PPP2R5E: variants seen among roughly 807,000 people sequenced by gnomAD.
PPP2R5E encodes serine/threonine-protein phosphatase 2A 56 kDa regulatory subunit epsilon isoform.
A neutral mutation model predicts 65.3 loss-of-function variants in PPP2R5E; 4 were observed. The ratio of observed to expected loss-of-function variants is 0.06; its 90% confidence interval spans 0.03 to 0.14. The LOEUF is 0.14. Ranked by LOEUF, PPP2R5E falls within the 10% of genes least tolerant of loss-of-function variation. The pLI, the probability that PPP2R5E is intolerant of heterozygous loss-of-function variation, is 1.00. For synonymous variants in PPP2R5E, 183 were observed against 187.4 expected (o/e 0.98, Z 0.19); for missense variants, 274 against 556.1 (o/e 0.49, Z 5.10).
rs560791219 is a variant in PPP2R5E, at chr14:63,469,567, G to A, written c.158-15682C>T. 4.6e-5 allele frequency among the ~76,000 whole-genome samples: 7 copies of A among 152,276 alleles called. No individual in the cohort carries two copies. In the East Asian group the frequency reaches 5.8e-4, roughly 13 times the overall value. ...AAAGTAGCCAGGCGTGGTGGCGAGC[G>A]CCTGTAGTCCCAGCTACTCAGGAGG... is the stretch of plus-strand genomic sequence containing the variant. On this transcript the variant is annotated intron_variant, in intron 2 of 13. Transcript: ENST00000337537.
rs534303804 is a variant in PPP2R5E at position 63,505,192 on chromosome 14, G to A, written c.157+34337C>T. Among the ~76,000 whole-genome samples, 18 of 152,080 alleles carry A rather than the reference G, an allele frequency of 1.2e-4. No individual in the cohort carries two copies. In the South Asian group the frequency reaches 1.7e-3, roughly 14 times the overall value. ...TCTACTAAAAATACAAAAATTAGCC[G>A]GACATGTTTGCTTGAACCCCAGCAG... On this transcript the variant is annotated intron_variant, in intron 2 of 13. Coordinates refer to ENST00000337537, the MANE Select transcript of PPP2R5E (RefSeq NM_006246.5).
At chr14:63,531,768 A>G (rs1217811110) in intron 2 of PPP2R5E, among the ~76,000 whole-genome samples, 1 of 152,122 alleles carries the variant, frequency 6.6e-6, no homozygotes, top group Non-Finnish European at 1.5e-5. Flanking sequence ...AGCCTGACCA[A>G]CATGGTGAAA....
At position 63,389,741 on chromosome 14, in the gene PPP2R5E, C is replaced by T; in HGVS notation, c.955-10G>A. On this transcript the variant is annotated splice_polypyrimidine_tract_variant and intron_variant, in intron 10 of 13. Transcript: ENST00000337537. Reference sequence around the variant, plus strand: ...CCCCAAGGAACATGACCTGTAAGTACAAGCAAAATACAAGATGTGAGGCAC... The same window carrying T: ...CCCCAAGGAACATGACCTGTAAGTATAAGCAAAATACAAGATGTGAGGCAC... 2.5e-6 allele frequency: 4 copies of T among 1,581,506 alleles called. No homozygotes were observed. Among genetic ancestry groups the T allele is most frequent in the Middle Eastern group, 1.7e-4 (1 of 5,948 alleles).
chr14:63,392,425 TG>T (rs1566669515), intron 8 of PPP2R5E, among the ~76,000 whole-genome samples: 1 of 152,206 alleles, frequency 6.6e-6, no homozygotes, highest in Non-Finnish European at 1.5e-5. Flanking sequence ...GAGTCCTCTA[TG>T]GGAAGTAAGC....
At chr14:63,386,133 C>T (rs947160473) in intron 11 of PPP2R5E, among the ~76,000 whole-genome samples, 3 of 152,068 alleles carry the variant, frequency 2.0e-5, no homozygotes, top group Admixed American at 6.5e-5. Flanking sequence ...ATGTATCTAC[C>T]GAAAGACACT....
intron 2 of PPP2R5E, among the ~76,000 whole-genome samples, chr14:63,490,777 T>C (rs932610246): frequency 1.3e-5 from 2 of 152,084 alleles, no homozygotes; most frequent in African/African-American, 4.8e-5. Context: ...GCTCATACAC[T>C]GATGATGGGA....
intron 2 of PPP2R5E, among the ~76,000 whole-genome samples, chr14:63,468,692 TAAATAAAC>T (rs1889962447): frequency 1.3e-5 from 1 of 77,830 alleles, no homozygotes; most frequent in African/African-American, 1.1e-4. Flanking sequence ...GCAAAGGAAA[TAAATAAAC>T]AAGCAATGTT....
At chr14:63,523,184 G>A (rs908344702) in intron 2 of PPP2R5E, among the ~76,000 whole-genome samples, 3 of 151,184 alleles carry the variant, frequency 2.0e-5, no homozygotes, top group African/African-American at 2.5e-5. Flanking sequence ...CCCTCTGCCC[G>A]GCCACCACCC....
chr14:63,478,028 G>T (rs996882462), intron 2 of PPP2R5E, among the ~76,000 whole-genome samples: 2 of 151,978 alleles, frequency 1.3e-5, no homozygotes, highest in Non-Finnish European at 2.9e-5. Flanking sequence ...CTTCAAATGG[G>T]GAAATAAAAA....
intron 2 of PPP2R5E, among the ~76,000 whole-genome samples, chr14:63,532,732 C>A (rs1489490146): frequency 6.6e-6 from 1 of 152,204 alleles, no homozygotes; most frequent in Non-Finnish European, 1.5e-5. Flanking sequence ...CAAGGCAACC[C>A]AGCTAGTGGT....
chr14:63,462,151 A>C (rs1223943577), intron 2 of PPP2R5E, among the ~76,000 whole-genome samples: 2 of 151,542 alleles, frequency 1.3e-5, no homozygotes, highest in Admixed American at 1.3e-4. Context: ...GCTCACTGCA[A>C]GCTCCGCCTC....
intron 2 of PPP2R5E, among the ~76,000 whole-genome samples, chr14:63,482,427 C>T (rs889390237): frequency 1.3e-5 from 2 of 152,144 alleles, no homozygotes; most frequent in African/African-American, 4.8e-5. Context: ...CCACTGCATT[C>T]CAGCCTGGGT....
rs1252846698 is a variant in PPP2R5E, at chr14:63,523,084, TG to T, written c.157+16444del. Reference sequence around the variant, plus strand: ...CCAGCCGCCCCGTCCGGGAGGGAGGTGGGGGGGTCAGCCCCCCGCCCGGCCA... The same window carrying T: ...CCAGCCGCCCCGTCCGGGAGGGAGGTGGGGGGTCAGCCCCCCGCCCGGCCA... On this transcript the variant is annotated intron_variant, in intron 2 of 13. Coordinates refer to ENST00000337537, the MANE Select transcript of PPP2R5E (RefSeq NM_006246.5). 3.8e-5 allele frequency among the ~76,000 whole-genome samples: 5 copies of T among 132,096 alleles called. 1 individual carries two copies. The highest frequency in any genetic ancestry group is 1.2e-4 in the African/African-American group (4 of 32,906). The allele number at this position is 132,096 out of a possible 152,430, so 86.7% of individuals were successfully genotyped here.
rs1253061196 is a variant in PPP2R5E at position 63,373,431 on chromosome 14, ACAGT to A, written c.*2574_*2577del. On this transcript the variant is annotated 3_prime_UTR_variant, in exon 14 of 14. Coordinates refer to ENST00000337537, the MANE Select transcript of PPP2R5E (RefSeq NM_006246.5). Reference sequence around the variant, plus strand: ...GTCCTGAAATATGTCACATAGTGCAACAGTCAGATTACCTCAGTTACTCTGCGTC... The same window carrying A: ...GTCCTGAAATATGTCACATAGTGCAACAGATTACCTCAGTTACTCTGCGTC... 9.2e-5 allele frequency: 14 copies of A among 152,360 alleles called. No individual in the cohort carries two copies. In the East Asian group the frequency reaches 2.7e-3, roughly 29 times the overall value. 9.4% of individuals were successfully genotyped at this position (152,360 alleles called of 1,614,324 possible). A position where few individuals can be genotyped will look rare whatever the true frequency, so the allele number is the denominator to read the frequency against.
chr14:63,426,511 T>A (rs1424794997), intron 3 of PPP2R5E, among the ~76,000 whole-genome samples: 1 of 151,734 alleles, frequency 6.6e-6, no homozygotes, highest in Non-Finnish European at 1.5e-5. Context: ...TAAATGGAAA[T>A]TAAAAGCTGT....
intron 5 of PPP2R5E, among the ~76,000 whole-genome samples, chr14:63,398,055 C>T (rs1305262522): frequency 6.6e-6 from 1 of 152,154 alleles, no homozygotes; most frequent in East Asian, 1.9e-4. Context: ...AGTTCCCAAA[C>T]ATTTGTAATC....
intron 2 of PPP2R5E, among the ~76,000 whole-genome samples, chr14:63,511,686 C>T (rs932927885): frequency 6.6e-6 from 1 of 152,052 alleles, no homozygotes; most frequent in Non-Finnish European, 1.5e-5. Context: ...TGTTGATGAG[C>T]TGATTAGAAA....
intron 2 of PPP2R5E, among the ~76,000 whole-genome samples, chr14:63,476,423 T>C (rs1414929563): frequency 2.0e-5 from 3 of 152,156 alleles, no homozygotes; most frequent in African/African-American, 7.2e-5. Context: ...CTCAAAAGTA[T>C]ATTTCAGTAA....
intron 2 of PPP2R5E, among the ~76,000 whole-genome samples, chr14:63,496,023 C>T (rs1891546577): frequency 6.6e-6 from 1 of 152,102 alleles, no homozygotes; most frequent in Admixed American, 6.5e-5. Flanking sequence ...CAGTATTTTT[C>T]AAGACCAAGA....
Sources: allele counts gnomAD v4.1 joint callset (sites outside exome capture counted in the v4.1 genomes callset), GRCh38; gene constraint gnomAD v4.1.1; transcripts MANE v1.5; gene names NCBI Gene and HGNC (gene_info 2026-07-23, HGNC 2026-07-21).